Variants in CCDC28A observed in about 807,000 individuals in gnomAD.
CCDC28A encodes coiled-coil domain-containing protein 28A.
In CCDC28A, 24 loss-of-function variants were observed where a neutral mutation model predicts 22.1. The ratio of observed to expected loss-of-function variants is 1.09; its 90% CI spans 0.79 to 1.53. The LOEUF is 1.53. Among genes scored for constraint, CCDC28A ranks in the 40% most tolerant of loss-of-function variants. The pLI is 0.00. For missense variants in CCDC28A, 170 were observed against 210.7 expected (o/e 0.81, Z 1.20); for synonymous variants, 83 against 74.7 (o/e 1.11, Z -0.57).
intron 3 of CCDC28A, among the ~76,000 whole-genome samples, chr6:138,783,820 G>A (rs1402990410): frequency 6.6e-6 from 1 of 151,012 alleles, no homozygotes; most frequent in Non-Finnish European, 1.5e-5. Context: ...CTCACACCTT[G>A]GCCTCTCAAA....
intron 5 of CCDC28A, among the ~76,000 whole-genome samples, chr6:138,789,533 A>G (rs557505991): frequency 6.6e-6 from 1 of 152,352 alleles, no homozygotes; most frequent in East Asian, 1.9e-4. Flanking sequence ...AACAACAATT[A>G]AGAAATTGGG....
intron 4 of CCDC28A, among the ~76,000 whole-genome samples, chr6:138,787,987 C>T (rs7751885): frequency 0.02 from 2,572 of 126,500 alleles, 76 homozygotes; most frequent in African/African-American, 0.07. Flanking sequence ...TTCGACACAG[C>T]ATCTCATTCT....
chr6:138,776,807 C>T (rs1774940646), intron 2 of CCDC28A, among the ~76,000 whole-genome samples: 1 of 151,932 alleles, frequency 6.6e-6, no homozygotes, highest in South Asian at 2.1e-4. Flanking sequence ...GGTGTGACAC[C>T]ACACCCAGCT....
At chr6:138,774,218 C>T (rs989742967) in intron 1 of CCDC28A, among the ~76,000 whole-genome samples, 3 of 152,180 alleles carry the variant, frequency 2.0e-5, no homozygotes, top group African/African-American at 4.8e-5. Context: ...GAGGAAATCG[C>T]GAGTGCTGGC....
intron 4 of CCDC28A, among the ~76,000 whole-genome samples, chr6:138,788,158 A>C (rs1201388471): frequency 6.7e-6 from 1 of 150,196 alleles, no homozygotes; most frequent in African/African-American, 2.5e-5. Context: ...AGGAGGTCTT[A>C]CCATGTTGTC....
intron 3 of CCDC28A, among the ~76,000 whole-genome samples, chr6:138,783,178 C>G (rs1439684883): frequency 6.6e-6 from 1 of 151,346 alleles, no homozygotes; most frequent in East Asian, 1.9e-4. Context: ...TGCCATTTTT[C>G]ATGCTTCATA....
At chr6:138,775,309 A>G (rs898062708) in intron 1 of CCDC28A, among the ~76,000 whole-genome samples, 2 of 152,224 alleles carry the variant, frequency 1.3e-5, no homozygotes, top group African/African-American at 2.4e-5. Flanking sequence ...GTGTAGGGAT[A>G]ACTAGGAGGC....
chr6:138,790,906 C>G (rs1268595936), intron 5 of CCDC28A, among the ~76,000 whole-genome samples: 1 of 152,186 alleles, frequency 6.6e-6, no homozygotes, highest in Non-Finnish European at 1.5e-5. Flanking sequence ...TCACTCTCTA[C>G]ATGATAATCC....
chr6:138,774,128 C>T (rs1001441389), intron 1 of CCDC28A, among the ~76,000 whole-genome samples: 1 of 152,126 alleles, frequency 6.6e-6, no homozygotes, highest in African/African-American at 2.4e-5. Context: ...ACTTATTATG[C>T]CTTCTCTAAA....
At chr6:138,792,670 T>G in intron 5 of CCDC28A, 79 bp from the exon 6 acceptor site, 1 of 887,318 alleles carries the variant, frequency 1.1e-6, no homozygotes, top group Admixed American at 1.9e-5. Flanking sequence ...CGCTTTCTCT[T>G]TGCTCCTGAA....
intron 5 of CCDC28A, among the ~76,000 whole-genome samples, chr6:138,791,463 T>G (rs1280216415): frequency 6.6e-6 from 1 of 152,224 alleles, no homozygotes; most frequent in African/African-American, 2.4e-5. Flanking sequence ...ATCACTTTCT[T>G]CCTGCCATTT....
intron 3 of CCDC28A, among the ~76,000 whole-genome samples, chr6:138,783,902 G>C (rs1255915816): frequency 7.3e-6 from 1 of 137,510 alleles, no homozygotes; most frequent in East Asian, 2.2e-4. Flanking sequence ...TTTGAGACAG[G>C]GTCTCGCTCT....
chr6:138,786,140 G>A (rs757151135), intron 4 of CCDC28A, among the ~76,000 whole-genome samples: 4 of 152,186 alleles, frequency 2.6e-5, no homozygotes, highest in African/African-American at 9.7e-5. Context: ...TAGCCGTCGT[G>A]TTCACATGGC....
rs1035077547 is a variant in CCDC28A at position 138,783,857 on chromosome 6, A to G, written c.323-1370A>G. Among the ~76,000 whole-genome samples, 10 of 148,264 alleles carry G rather than the reference A, an allele frequency of 6.7e-5. No individual in the cohort carries two copies. The East Asian group carries it at 1.8e-3, about 27-fold the overall frequency. ...TGTGTTAAGATTACAGGCGTGAGCC[A>G]CCATGCCCAGCCAGAACTCTTTTTT... On this transcript the variant is annotated intron_variant, in intron 3 of 5. Coordinates refer to ENST00000617445, the MANE Select transcript of CCDC28A (RefSeq NM_015439.3).
intron 3 of CCDC28A, among the ~76,000 whole-genome samples, chr6:138,782,784 T>A (rs1211626518): frequency 6.6e-6 from 1 of 152,228 alleles, no homozygotes; most frequent in Non-Finnish European, 1.5e-5. Flanking sequence ...ACATTAGTAG[T>A]CCTTAACATA....
In CCDC28A at chr6:138,776,095, C is replaced by T. The variant is rs2273510; in HGVS notation, c.-26C>T. 0.029 allele frequency: 47,026 copies of T among 1,613,174 alleles called. 1,269 individuals are homozygous for T. The highest frequency in any genetic ancestry group is 0.13 in the African/African-American group (9,426 of 74,856). On this transcript the variant is annotated 5_prime_UTR_variant, in exon 2 of 6. Transcript: ENST00000617445. ...CTTATTTAGGTCTTAAGAAGCTGGC[C>T]GTGGTGCAATAAGGAACTTAAAACA... is the stretch of plus-strand genomic sequence containing the variant.
chr6:138,784,470 T>C (rs1360172391), intron 3 of CCDC28A, among the ~76,000 whole-genome samples: 2 of 151,186 alleles, frequency 1.3e-5, no homozygotes, highest in East Asian at 2.0e-4. Flanking sequence ...CCTGCCTCAG[T>C]ATCCTGAGTA....
chr6:138,793,053 A>G lies in CCDC28A; in HGVS notation c.*250A>G. ...CAGAGATTGTGCTGCTGTGCTTCAT[A>G]TTGTTGCCTTATGGGATTATACTTG... is the stretch of plus-strand genomic sequence containing the variant. On this transcript the variant is annotated 3_prime_UTR_variant, in exon 6 of 6. Coordinates refer to ENST00000617445, the MANE Select transcript of CCDC28A (RefSeq NM_015439.3). 4.3e-6 allele frequency: 2 copies of G among 462,390 alleles called. No individual in the cohort carries two copies. Among genetic ancestry groups the G allele is most frequent in the South Asian group, 4.4e-5 (2 of 44,952 alleles). The allele number at this position is 462,390 out of a possible 1,614,324, so 28.6% of individuals were successfully genotyped here. A position where few individuals can be genotyped will look rare whatever the true frequency, so the allele number is the denominator to read the frequency against.
At chr6:138,791,665 C>G (rs571208301) in intron 5 of CCDC28A, among the ~76,000 whole-genome samples, 1 of 152,152 alleles carries the variant, frequency 6.6e-6, no homozygotes, top group Non-Finnish European at 1.5e-5. Flanking sequence ...GTACCTCCTA[C>G]CTAGAGTTAC....
Sources: allele counts gnomAD v4.1 joint callset (sites outside exome capture counted in the v4.1 genomes callset), GRCh38; gene constraint gnomAD v4.1.1; transcripts MANE v1.5; gene names NCBI Gene and HGNC (gene_info 2026-07-23, HGNC 2026-07-21).